Variants in RIMBP2 observed in about 807,000 individuals in gnomAD.
RIMBP2 encodes the protein RIMS binding protein 2, also known as RIMS-binding protein 2.
A neutral mutation model predicts 118.6 loss-of-function variants in RIMBP2; 48 were observed. The ratio of observed to expected loss-of-function variants is 0.40; its 90% confidence interval spans 0.32 to 0.51. The LOEUF (loss-of-function observed/expected upper bound fraction) is 0.51, where lower values mean the gene tolerates loss of function less well. RIMBP2 is among the 20% of genes least tolerant of loss of function. RIMBP2 has a pLI of 0.41. For missense variants in RIMBP2, 1,551 were observed against 1,768.3 expected, an observed-to-expected ratio of 0.88 and a Z score of 2.20; for synonymous variants, 762 against 742.9, an observed-to-expected ratio of 1.03 and a Z score of -0.42.
chr12:130,479,996 CA>C (rs1489021928), intron 4 of RIMBP2, among the ~76,000 whole-genome samples: 1 of 151,900 alleles, frequency 6.6e-6, no homozygotes, highest in Non-Finnish European at 1.5e-5. Flanking sequence ...ATGAAGCTCA[CA>C]GCAGTGACCA....
chr12:130,414,070 G>T, intron 18 of RIMBP2, 55 bp downstream of exon 18: 3 of 1,576,456 alleles, frequency 1.9e-6, no homozygotes, highest in South Asian at 2.2e-5. Flanking sequence ...CTGCCCCCAT[G>T]ACCCAGACCC....
chr12:130,570,299 A>G (rs983119811), intron 2 of RIMBP2, among the ~76,000 whole-genome samples: 9 of 152,068 alleles, frequency 5.9e-5, no homozygotes, highest in African/African-American at 2.2e-4. Flanking sequence ...GGTGGCTTGC[A>G]CCCGAAGGCC....
intron 2 of RIMBP2, among the ~76,000 whole-genome samples, chr12:130,611,387 G>GT (rs1255155358): frequency 2.0e-5 from 3 of 152,220 alleles, no homozygotes; most frequent in Non-Finnish European, 2.9e-5. Context: ...CAGACAATAC[G>GT]TTGCAGGATA....
intron 1 of RIMBP2, among the ~76,000 whole-genome samples, chr12:130,648,287 T>TAAA (rs2063077858): frequency 6.9e-6 from 1 of 145,912 alleles, no homozygotes; most frequent in African/African-American, 2.5e-5. Context: ...TCAAATGCCC[T>TAAA]AAAAACATGG....
chr12:130,450,341 CA>C lies in RIMBP2; in HGVS notation c.505-66del. ...GAGGTGTCCCACCCCATTCCCGCGG[CA>C]CACGGGAAAGCCCCTCGCAGCTTCC... On this transcript the variant is annotated intron_variant, in intron 8 of 22. Transcript: ENST00000690449. The surrounding 1 kb of genome is among the most constrained non-coding windows in gnomAD (Gnocchi z 4.8). The C allele has an allele frequency of 7.9e-6, 10 of 1,258,054 alleles. No individual in the cohort carries two copies. Among genetic ancestry groups the C allele is most frequent in the Non-Finnish European group, 1.1e-5 (10 of 875,092 alleles). 77.9% of individuals were successfully genotyped at this position (1,258,054 alleles called of 1,614,324 possible). A position where few individuals can be genotyped will look rare whatever the true frequency, so the allele number is the denominator to read the frequency against.
chr12:130,681,145 C>T (rs2136550101), intron 1 of RIMBP2, among the ~76,000 whole-genome samples: 1 of 152,188 alleles, frequency 6.6e-6, no homozygotes, highest in Non-Finnish European at 1.5e-5. Flanking sequence ...TACTTATCAA[C>T]TTTTATTCAC....
At chr12:130,607,883 C>T (rs2060282228) in intron 2 of RIMBP2, among the ~76,000 whole-genome samples, 1 of 151,930 alleles carries the variant, frequency 6.6e-6, no homozygotes, top group South Asian at 2.1e-4. Context: ...ATGACTCCAC[C>T]AAAAGGGGAG....
rs1421811767 is a variant in RIMBP2, at chr12:130,396,138, T to C, written c.*1223A>G. ...AACAAAGAGAATAAACAGTGTTGTA[T>C]AAAATAACAAATTTTATTTCTAGAA... On this transcript the variant is annotated 3_prime_UTR_variant, in exon 23 of 23. Transcript: ENST00000690449. 1 of 152,670 alleles carries C rather than the reference T, an allele frequency of 6.6e-6. No individual in the cohort carries two copies. The highest frequency in any genetic ancestry group is 2.4e-5 in the African/African-American group (1 of 41,468). The allele number at this position is 152,670 out of a possible 1,614,324, so 9.5% of individuals were successfully genotyped here.
chr12:130,651,107 C>T (rs1181487860), intron 1 of RIMBP2, among the ~76,000 whole-genome samples: 1 of 152,158 alleles, frequency 6.6e-6, no homozygotes, highest in Admixed American at 6.5e-5. Context: ...TGAGGCTCCA[C>T]TCCTGGCTTC....
chr12:130,480,744 G>A (rs2081922495), intron 4 of RIMBP2, among the ~76,000 whole-genome samples: 1 of 152,120 alleles, frequency 6.6e-6, no homozygotes, highest in African/African-American at 2.4e-5. Context: ...GGGATTACAG[G>A]TGCCCACCAC....
chr12:130,489,671 C>T (rs1017585010), intron 4 of RIMBP2, among the ~76,000 whole-genome samples: 2 of 152,184 alleles, frequency 1.3e-5, no homozygotes, highest in African/African-American at 4.8e-5. Context: ...GCCAGGTTCA[C>T]AATGCAGCCA....
chr12:130,584,483 A>G (rs2058729772), intron 2 of RIMBP2, among the ~76,000 whole-genome samples: 1 of 146,704 alleles, frequency 6.8e-6, no homozygotes, highest in Non-Finnish European at 1.5e-5. Context: ...CATTGCCATC[A>G]CCACCATCAC....
intron 1 of RIMBP2, among the ~76,000 whole-genome samples, chr12:130,634,247 C>T (rs969476215): frequency 5.3e-5 from 8 of 152,100 alleles, no homozygotes; most frequent in Non-Finnish European, 1.0e-4. Flanking sequence ...GACGGGGAGG[C>T]GGGTAATGCC....
chr12:130,513,275 C>A (rs1593597793), intron 3 of RIMBP2, among the ~76,000 whole-genome samples: 1 of 152,212 alleles, frequency 6.6e-6, no homozygotes, highest in South Asian at 2.1e-4. Context: ...ACATTAGCAA[C>A]CCTGGGCATC....
intron 1 of RIMBP2, among the ~76,000 whole-genome samples, chr12:130,645,670 G>C (rs2062836328): frequency 6.6e-6 from 1 of 152,244 alleles, no homozygotes; most frequent in South Asian, 2.1e-4. Flanking sequence ...CCAAAGAGCA[G>C]AGAGAAGGAT....
intron 1 of RIMBP2, among the ~76,000 whole-genome samples, chr12:130,653,071 T>G (rs1418943149): frequency 6.6e-6 from 1 of 152,208 alleles, no homozygotes; most frequent in Non-Finnish European, 1.5e-5. Flanking sequence ...CCAAATCTCA[T>G]GTCCTTCTCA....
intron 2 of RIMBP2, among the ~76,000 whole-genome samples, chr12:130,542,057 T>C (rs1275971790): frequency 1.3e-5 from 2 of 150,512 alleles, no homozygotes; most frequent in Admixed American, 1.4e-4. Context: ...ACCCCTATCA[T>C]AGAACTCACA....
At chr12:130,513,854 A>G (rs1234990784) in intron 3 of RIMBP2, among the ~76,000 whole-genome samples, 2 of 152,252 alleles carry the variant, frequency 1.3e-5, no homozygotes, top group East Asian at 3.8e-4. Flanking sequence ...AGCATTTTGC[A>G]ATTCCAAGCA....
intron 19 of RIMBP2, 38 bp from the exon 20 acceptor site, chr12:130,407,867 G>T: frequency 6.4e-7 from 1 of 1,574,496 alleles, no homozygotes; most frequent in Non-Finnish European, 8.7e-7. Flanking sequence ...TCCATCATGA[G>T]GTTATTTCAA....
Sources: gnomAD v4.1 joint callset for allele counts (sites outside exome capture counted in the v4.1 genomes callset) on GRCh38, gnomAD v4.1.1 for gene constraint, Gnocchi (gnomAD v3.1) non-coding constraint, MANE v1.5 for transcripts, NCBI Gene and HGNC (gene_info 2026-07-23, HGNC 2026-07-21) for gene names.